The following HMGB1 variants were observed in gnomAD, a reference collection of about 807,000 sequenced individuals.
HMGB1 encodes the protein high mobility group protein B1.
For missense variants in HMGB1, 79 were observed against 253.5 expected (o/e 0.31, Z 4.67); for synonymous variants, 81 against 84.0 (o/e 0.96, Z 0.19).
intron 1 of HMGB1, among the ~76,000 whole-genome samples, chr13:30,599,320 T>C (rs1056588652): frequency 3.7e-4 from 57 of 152,020 alleles, no homozygotes; most frequent in African/African-American, 1.3e-3. Flanking sequence ...AATACAAAAT[T>C]AGCCATGTGT....
chr13:30,538,730 T>C (rs1868699377), intron 1 of HMGB1, among the ~76,000 whole-genome samples: 1 of 147,722 alleles, frequency 6.8e-6, no homozygotes, highest in Admixed American at 6.8e-5. Flanking sequence ...TTTTCTTTCT[T>C]TTTCTTTCTT....
intron 1 of HMGB1, among the ~76,000 whole-genome samples, chr13:30,503,646 T>C (rs1329370655): frequency 3.3e-5 from 4 of 119,484 alleles, no homozygotes; most frequent in Non-Finnish European, 7.2e-5. Context: ...CTACTCAGCT[T>C]CTTTTTTTTT....
At chr13:30,612,995 G>T (rs4258469) in intron 1 of HMGB1, among the ~76,000 whole-genome samples, 2 of 152,228 alleles carry the variant, frequency 1.3e-5, no homozygotes, top group African/African-American at 4.8e-5. Context: ...CCCTGGATTA[G>T]AAATGAGAGG....
intron 1 of HMGB1, among the ~76,000 whole-genome samples, chr13:30,583,839 A>AGAAAG (rs1555242866): frequency 4.4e-5 from 6 of 137,666 alleles, no homozygotes; most frequent in Admixed American, 7.7e-5. Context: ...AAAAAAAAAA[A>AGAAAG]AAAGAAAGAA....
At chr13:30,525,383 G>T (rs143178802) in intron 1 of HMGB1, among the ~76,000 whole-genome samples, 17 of 152,144 alleles carry the variant, frequency 1.1e-4, no homozygotes, top group Middle Eastern at 6.3e-3. Flanking sequence ...ACCCCCACTG[G>T]TTTTTGTGAC....
At chr13:30,564,192 G>T (rs1370070920) in intron 1 of HMGB1, among the ~76,000 whole-genome samples, 1 of 151,422 alleles carries the variant, frequency 6.6e-6, no homozygotes, top group Non-Finnish European at 1.5e-5. Flanking sequence ...CAGCACTCTG[G>T]GAGGCCGCGG....
intron 1 of HMGB1, 109 bp downstream of exon 1, chr13:30,465,687 T>G: frequency 4.6e-6 from 2 of 433,488 alleles, no homozygotes; most frequent in Non-Finnish European, 6.1e-6. Context: ...CTCATTTGCC[T>G]TTGTGTGGAT....
intron 1 of HMGB1, among the ~76,000 whole-genome samples, chr13:30,473,339 G>A (rs190326267): frequency 2.6e-5 from 4 of 152,296 alleles, no homozygotes; most frequent in Non-Finnish European, 5.9e-5. Context: ...TGGTTAGTAA[G>A]GGGAAAATAT....
chr13:30,498,960 T>A (rs562113017), intron 1 of HMGB1, among the ~76,000 whole-genome samples: 6 of 149,510 alleles, frequency 4.0e-5, no homozygotes, highest in Non-Finnish European at 7.4e-5. Context: ...TTTTTTGTTT[T>A]TTTTTTTTTT....
At chr13:30,502,949 C>T (rs924500787) in intron 1 of HMGB1, among the ~76,000 whole-genome samples, 7 of 152,026 alleles carry the variant, frequency 4.6e-5, no homozygotes, top group East Asian at 1.9e-4. Context: ...GGATTGCAGG[C>T]GTGAGCCATG....
upstream of HMGB1, among the ~76,000 whole-genome samples, chr13:30,469,042 C>T (rs1593261002): frequency 6.6e-6 from 1 of 152,020 alleles, no homozygotes; most frequent in South Asian, 2.1e-4. Context: ...TACAGGCATG[C>T]ACCACCATGC....
chr13:30,610,538 A>G (rs1950504087), intron 1 of HMGB1, among the ~76,000 whole-genome samples: 1 of 152,248 alleles, frequency 6.6e-6, no homozygotes, highest in Non-Finnish European at 1.5e-5. Context: ...ACACATGGAA[A>G]AACTGAAGCC....
At chr13:30,561,496 T>G (rs1386875105) in intron 1 of HMGB1, among the ~76,000 whole-genome samples, 1 of 152,012 alleles carries the variant, frequency 6.6e-6, no homozygotes, top group African/African-American at 2.4e-5. Context: ...AAGATGTTCT[T>G]AAAGGAAGGA....
chr13:30,576,270 A>C (rs1328391575), intron 1 of HMGB1, among the ~76,000 whole-genome samples: 1 of 152,110 alleles, frequency 6.6e-6, no homozygotes, highest in African/African-American at 2.4e-5. Flanking sequence ...GGGAGACCTA[A>C]ATTCTACTCC....
At chr13:30,588,639 G>A (rs546331110) in intron 1 of HMGB1, among the ~76,000 whole-genome samples, 1 of 152,264 alleles carries the variant, frequency 6.6e-6, no homozygotes, top group South Asian at 2.1e-4. Flanking sequence ...CAATTAGGCC[G>A]GGTGCAGCGG....
intron 1 of HMGB1, chr13:30,465,094 TC>T: frequency 3.3e-6 from 3 of 920,732 alleles, no homozygotes; most frequent in Non-Finnish European, 3.9e-6. Flanking sequence ...TGCGCCCAGC[TC>T]CCCCGCCCGC....
At chr13:30,617,105 T>G (rs535464861) in exon 1 of HMGB1, 1 of 152,320 alleles carries the variant, frequency 6.6e-6, no homozygotes, top group South Asian at 2.1e-4. Context: ...TTCTCTGAAG[T>G]TAAAACAAGG....
chr13:30,478,866 C>T (rs992275719), intron 1 of HMGB1, among the ~76,000 whole-genome samples: 2 of 133,940 alleles, frequency 1.5e-5, no homozygotes, highest in South Asian at 5.0e-4. Flanking sequence ...CTTTTCTTTT[C>T]TTTTCTTTTT....
At chr13:30,596,576 G>A (rs897877227) in intron 1 of HMGB1, among the ~76,000 whole-genome samples, 4 of 152,194 alleles carry the variant, frequency 2.6e-5, no homozygotes, top group Admixed American at 1.3e-4. Flanking sequence ...TTTAGAACTC[G>A]CAGCAGAGTT....
Sources: gnomAD v4.1 joint callset for allele counts (sites outside exome capture counted in the v4.1 genomes callset) on GRCh38, gnomAD v4.1.1 for gene constraint, MANE v1.5 for transcripts, NCBI Gene and HGNC (gene_info 2026-07-23, HGNC 2026-07-21) for gene names.